Variants in OSBPL9 observed in about 807,000 individuals in gnomAD.
OSBPL9 encodes oxysterol-binding protein-related protein 9.
In OSBPL9, 40 loss-of-function variants were observed where a neutral mutation model predicts 106.6. That is an observed-to-expected ratio of 0.38 (90% CI 0.29 to 0.49). The LOEUF is 0.49. Among genes scored for constraint, OSBPL9 ranks in the 20% least tolerant of loss-of-function variants. OSBPL9 has a pLI of 0.97. For synonymous variants in OSBPL9, 269 were observed against 295.4 expected (o/e 0.91, Z 0.92); for missense variants, 609 against 887.2 (o/e 0.69, Z 3.98).
At chr1:51,562,231 C>A in the OSBPL9 span, among the ~76,000 whole-genome samples, 3 of 152,112 alleles carry the variant, frequency 2.0e-5, no homozygotes, top group Non-Finnish European at 4.4e-5. Flanking sequence ...AATGGTTTAG[C>A]ACGATCCCCC....
chr1:51,530,293 G>T, the OSBPL9 span, among the ~76,000 whole-genome samples: 2,804 of 147,900 alleles, frequency 0.019, 92 homozygotes, highest in African/African-American at 0.066. Context: ...AGCAACAAAA[G>T]AAAAATTAGA....
chr1:51,730,094 T>A, intron 4 of OSBPL9: 1 of 1,256,946 alleles, frequency 8.0e-7, no homozygotes, highest in East Asian at 3.1e-5. Context: ...AATGTCGTGC[T>A]CACCCTGCCT....
In OSBPL9 at chr1:51,784,280, A is replaced by G; in HGVS notation, c.1641A>G (p.Leu547=). 6.2e-7 allele frequency: 1 copy of G among 1,614,010 alleles called. No homozygotes were observed. The highest frequency in any genetic ancestry group is 8.5e-7 in the Non-Finnish European group (1 of 1,179,878). ...TCTCCACAGGCTGTGTCTCATGTCT[A>G]GACTATGATGAACATTACATTCTCA... ...HNIGQGCVSC[L]DYDEHYILTF... Residue 547 remains leucine, a synonymous_variant, in exon 19 of 24, where the codon CTA becomes CTG. Coordinates refer to ENST00000428468, the MANE Select transcript of OSBPL9 (RefSeq NM_024586.6).
rs1384728631 is a variant in OSBPL9, at chr1:51,761,776, C to G, written c.674-91C>G. 9.3e-6 allele frequency: 9 copies of G among 970,230 alleles called. No homozygotes were observed. The Admixed American group carries it at 1.1e-4, about 12-fold the overall frequency. 60.1% of individuals were successfully genotyped at this position (970,230 alleles called of 1,614,324 possible). A position where few individuals can be genotyped will look rare whatever the true frequency, so the allele number is the denominator to read the frequency against. ...GAAATAAAGTTTCAAAAATTACTGG[C>G]CTTTAGGATTTTGAATCCCAGACAA... On this transcript the variant is annotated intron_variant, in intron 10 of 23. Coordinates refer to ENST00000428468, the MANE Select transcript of OSBPL9 (RefSeq NM_024586.6).
chr1:51,547,073 GTGGA>G, the OSBPL9 span, among the ~76,000 whole-genome samples: 1 of 152,202 alleles, frequency 6.6e-6, no homozygotes. Context: ...TACAGCCACT[GTGGA>G]TCACAATCTG....
chr1:51,669,178 G>A (rs746616590), intron 2 of OSBPL9, among the ~76,000 whole-genome samples: 1 of 152,152 alleles, frequency 6.6e-6, no homozygotes, highest in Non-Finnish European at 1.5e-5. Context: ...TTCTGTGTTT[G>A]TCCCTTCCGC....
intron 2 of OSBPL9, among the ~76,000 whole-genome samples, chr1:51,601,904 A>T (rs1645326406): frequency 6.6e-6 from 1 of 152,086 alleles, no homozygotes; most frequent in Non-Finnish European, 1.5e-5. Flanking sequence ...TGCTGTCTAA[A>T]TGGTTAAGTA....
At chr1:51,684,912 TC>T (rs1277346796) in intron 3 of OSBPL9, among the ~76,000 whole-genome samples, 3,410 of 140,516 alleles carry the variant, frequency 0.024, 188 homozygotes, top group African/African-American at 0.09. Context: ...CTGCTCTTCT[TC>T]TTTTTTTTTT....
intron 2 of OSBPL9, among the ~76,000 whole-genome samples, chr1:51,662,806 G>A (rs561167155): frequency 2.7e-5 from 4 of 148,742 alleles, no homozygotes; most frequent in Admixed American, 6.7e-5. Context: ...GTGCAGTGGC[G>A]TGATCTCGGC....
intron 3 of OSBPL9, among the ~76,000 whole-genome samples, chr1:51,680,301 T>G (rs576025591): frequency 6.8e-4 from 104 of 151,938 alleles, no homozygotes; most frequent in South Asian, 2.7e-3. Context: ...GTTATCCAGA[T>G]TTTCAGTTCT....
At position 51,729,204 on chromosome 1, in the gene OSBPL9, A is replaced by C. The variant is rs1164540242; in HGVS notation, c.318+15125A>C. The C allele has an allele frequency of 6.6e-6, 1 of 152,234 alleles. No individual in the cohort carries two copies. Among genetic ancestry groups the C allele is most frequent in the Non-Finnish European group, 1.5e-5 (1 of 68,066 alleles). The allele number at this position is 152,234 out of a possible 1,614,324, so 9.4% of individuals were successfully genotyped here. A position where few individuals can be genotyped will look rare whatever the true frequency, so the allele number is the denominator to read the frequency against. On this transcript the variant is annotated intron_variant, in intron 4 of 23. Coordinates refer to ENST00000428468, the MANE Select transcript of OSBPL9 (RefSeq NM_024586.6). This position sits in a 1 kb window ranked among gnomAD's most constrained non-coding sequence, Gnocchi z 5.1. ...TGTCTCACCGGATTAATAAAAATAT[A>C]GGCGCTCACGCTTTTGTTTACCGAT...
intron 14 of OSBPL9, among the ~76,000 whole-genome samples, chr1:51,775,987 T>A (rs760666470): frequency 1.3e-5 from 2 of 152,192 alleles, no homozygotes; most frequent in Non-Finnish European, 2.9e-5. Context: ...AATTTTTGCT[T>A]ACTCTGGGGT....
chr1:51,721,569 A>C (rs1662130340), intron 4 of OSBPL9, among the ~76,000 whole-genome samples: 1 of 152,230 alleles, frequency 6.6e-6, no homozygotes, highest in South Asian at 2.1e-4. Flanking sequence ...TACCCTCAAT[A>C]GCTATAATGG....
chr1:51,787,228 G>A, intron 22 of OSBPL9, 125 bp from the exon 23 acceptor site: 2 of 901,256 alleles, frequency 2.2e-6, no homozygotes, highest in East Asian at 2.4e-5. Context: ...CCTGGTGCCA[G>A]CGTAAGGAGA....
rs1042210594 is a variant in OSBPL9 at position 51,749,685 on chromosome 1, T to C, written c.493-460T>C. The C allele has an allele frequency of 2.5e-5, 5 of 196,928 alleles. No individual in the cohort carries two copies. The East Asian group carries it at 6.1e-4, about 24-fold the overall frequency. 12.2% of individuals were successfully genotyped at this position (196,928 alleles called of 1,614,324 possible). ...AATTCGTAAGTTAATCAGATTCGTA[T>C]GTCTTTCTGTTTGAAGTGTTGAAAA... is the stretch of plus-strand genomic sequence containing the variant. On this transcript the variant is annotated intron_variant, in intron 7 of 23. Transcript: ENST00000428468.
chr1:51,550,059 G>A, the OSBPL9 span, among the ~76,000 whole-genome samples: 776 of 152,264 alleles, frequency 5.1e-3, 7 homozygotes, highest in African/African-American at 0.017. Flanking sequence ...TTGAGAGACT[G>A]GTCCTGTCCC....
At chr1:51,748,524 G>T in intron 7 of OSBPL9, 126 bp downstream of exon 7, 1 of 1,061,664 alleles carries the variant, frequency 9.4e-7, no homozygotes, top group Non-Finnish European at 1.2e-6. Flanking sequence ...ATTATACAGG[G>T]GTGCTTAAGC....
Position 51,781,346 on chromosome 1 carries a change from CA to C in OSBPL9, c.1428+12del. 1 of 1,608,338 alleles carries C rather than the reference CA, an allele frequency of 6.2e-7. No homozygotes were observed. Among genetic ancestry groups the C allele is most frequent in the South Asian group, 1.1e-5 (1 of 90,638 alleles). On this transcript the variant is annotated intron_variant, in intron 16 of 23. Coordinates refer to ENST00000428468, the MANE Select transcript of OSBPL9 (RefSeq NM_024586.6). ...ACTGAAGAGAACACAGTGAGTTCTGCATTGACATTTTTAAATTATCTTAATT... is the reference window on the plus strand; with the variant it reads ...ACTGAAGAGAACACAGTGAGTTCTGCTTGACATTTTTAAATTATCTTAATT...
chr1:51,700,066 C>T (rs1301445376), intron 3 of OSBPL9, among the ~76,000 whole-genome samples: 1 of 152,170 alleles, frequency 6.6e-6, no homozygotes, highest in Admixed American at 6.5e-5. Context: ...TTTGATCAAT[C>T]CTTCTGTATG....
Sources: allele counts gnomAD v4.1 joint callset (sites outside exome capture counted in the v4.1 genomes callset), GRCh38; gene constraint gnomAD v4.1.1; non-coding constraint Gnocchi (gnomAD v3.1); transcripts MANE v1.5; gene names NCBI Gene and HGNC (gene_info 2026-07-23, HGNC 2026-07-21).